Variants in CCDC60 observed in about 807,000 individuals in gnomAD.
The protein encoded by CCDC60 is coiled-coil domain-containing protein 60.
Under a neutral mutation model 63.5 loss-of-function variants are expected in CCDC60, and 54 were observed. The observed-to-expected ratio is 0.85, with a 90% confidence interval of 0.68 to 1.07. CCDC60 has a LOEUF of 1.07. CCDC60 is among the 50% of genes least tolerant of loss of function. The pLI is 0.00. For synonymous variants in CCDC60, 206 were observed against 238.8 expected, an observed-to-expected ratio of 0.86 and a Z score of 1.27; for missense variants, 651 against 684.3, an observed-to-expected ratio of 0.95 and a Z score of 0.54.
At chr12:119,341,760 A>G (rs1165560041) in intron 1 of CCDC60, among the ~76,000 whole-genome samples, 2 of 152,230 alleles carry the variant, frequency 1.3e-5, no homozygotes, top group African/African-American at 4.8e-5. Flanking sequence ...TCCATCATTA[A>G]TGAGGCCAGG....
chr12:119,429,505 G>A (rs546142766), intron 2 of CCDC60: 35 of 152,352 alleles, frequency 2.3e-4, no homozygotes, highest in African/African-American at 8.4e-4. Flanking sequence ...CACGTAAGAT[G>A]TGTGCTGAGA....
intron 1 of CCDC60, among the ~76,000 whole-genome samples, chr12:119,404,814 C>A (rs1349458065): frequency 6.6e-6 from 1 of 152,042 alleles, no homozygotes; most frequent in Non-Finnish European, 1.5e-5. Flanking sequence ...AGACAAAGAT[C>A]CTCACCACTC....
chr12:119,453,390 T>A, intron 2 of CCDC60, among the ~76,000 whole-genome samples: 1 of 152,308 alleles, frequency 6.6e-6, no homozygotes, highest in Admixed American at 6.5e-5. Context: ...AAGAAAACCA[T>A]TTAAAATAAT....
intron 1 of CCDC60, among the ~76,000 whole-genome samples, chr12:119,355,531 C>T (rs367701256): frequency 6.9e-4 from 105 of 152,326 alleles, no homozygotes; most frequent in African/African-American, 2.0e-3. Flanking sequence ...TATGTACTGA[C>T]GCAGGGCAGA....
At chr12:119,388,965 A>G (rs1042521029) in intron 1 of CCDC60, among the ~76,000 whole-genome samples, 12 of 152,164 alleles carry the variant, frequency 7.9e-5, no homozygotes, top group Admixed American at 3.3e-4. Flanking sequence ...GATCATGACC[A>G]CTACCTTTCT....
intron 2 of CCDC60, among the ~76,000 whole-genome samples, chr12:119,450,419 T>A (rs11064800): frequency 0.1 from 15,807 of 152,154 alleles, 1,064 homozygotes; most frequent in East Asian, 0.3. Context: ...TAAAATTTTT[T>A]AAAAATTTTT....
intron 7 of CCDC60, among the ~76,000 whole-genome samples, chr12:119,507,501 TAC>T: frequency 7.4e-6 from 1 of 134,346 alleles, no homozygotes; most frequent in African/African-American, 2.9e-5. Flanking sequence ...TATACATATA[TAC>T]ACACATATAT....
rs938164206 is a variant in CCDC60, at chr12:119,335,022, T to G, written c.-155T>G. The G allele has an allele frequency of 3.4e-6, 2 of 580,640 alleles. No homozygotes were observed. The highest frequency in any genetic ancestry group is 3.4e-5 in the Admixed American group (1 of 29,800). The allele number at this position is 580,640 out of a possible 1,614,324, so 36.0% of individuals were successfully genotyped here. ...GGAGACCCAGGTGCTTTCTCATTAC[T>G]CTTCAGAAGGAAACCGCTTTGGAGT... is the stretch of plus-strand genomic sequence containing the variant. On this transcript the variant is annotated 5_prime_UTR_variant, in exon 1 of 14. Coordinates refer to ENST00000327554, the MANE Select transcript of CCDC60 (RefSeq NM_178499.5).
chr12:119,448,573 G>C (rs1950580014), intron 2 of CCDC60, among the ~76,000 whole-genome samples: 1 of 152,142 alleles, frequency 6.6e-6, no homozygotes, highest in African/African-American at 2.4e-5. Flanking sequence ...GCTTTCCCCA[G>C]GGCTTTTGCC....
chr12:119,440,946 A>AC (rs1950432079), intron 2 of CCDC60, among the ~76,000 whole-genome samples: 1 of 140,306 alleles, frequency 7.1e-6, no homozygotes, highest in Admixed American at 7.3e-5. Flanking sequence ...ACAATGTCTG[A>AC]CACACGGTAA....
chr12:119,453,747 T>G (rs1291324450), intron 2 of CCDC60, among the ~76,000 whole-genome samples: 1 of 151,514 alleles, frequency 6.6e-6, no homozygotes, highest in Non-Finnish European at 1.5e-5. Flanking sequence ...GCATTCATGG[T>G]GATGACTACA....
At position 119,376,833 on chromosome 12, in the gene CCDC60, T is replaced by C. The variant is rs1218474789; in HGVS notation, c.90+41567T>C. ...AGTTGGGGCTGGGGTCATTTACCCA[T>C]TTTGGAATATTGGGGGATGTTCTGT... On this transcript the variant is annotated intron_variant, in intron 1 of 13. Coordinates refer to ENST00000327554, the MANE Select transcript of CCDC60 (RefSeq NM_178499.5). 3.4e-4 allele frequency among the ~76,000 whole-genome samples: 52 copies of C among 152,080 alleles called. 1 individual carries two copies. The highest frequency in any genetic ancestry group is 3.4e-3 in the Admixed American group (52 of 15,266).
intron 2 of CCDC60, among the ~76,000 whole-genome samples, chr12:119,451,500 G>T (rs1950635620): frequency 6.6e-6 from 1 of 152,088 alleles, no homozygotes; most frequent in Non-Finnish European, 1.5e-5. Flanking sequence ...CAAAATGGGG[G>T]CTTGGGGCTT....
At chr12:119,490,671 C>A (rs1466720366) in intron 5 of CCDC60, among the ~76,000 whole-genome samples, 1 of 151,926 alleles carries the variant, frequency 6.6e-6, no homozygotes, top group African/African-American at 2.4e-5. Flanking sequence ...CTCAAACAAT[C>A]CTCCTGCCTC....
intron 2 of CCDC60, among the ~76,000 whole-genome samples, chr12:119,450,247 G>A (rs1950606237): frequency 7.2e-6 from 1 of 138,442 alleles, no homozygotes. Flanking sequence ...AATGGGCATT[G>A]GAGACCAGGA....
At chr12:119,347,564 A>G (rs1224257560) in intron 1 of CCDC60, among the ~76,000 whole-genome samples, 2 of 152,190 alleles carry the variant, frequency 1.3e-5, no homozygotes, top group Non-Finnish European at 1.5e-5. Flanking sequence ...CAAAATGTTC[A>G]ATATTCTCGT....
At chr12:119,347,842 AG>A (rs1177019105) in intron 1 of CCDC60, among the ~76,000 whole-genome samples, 1 of 152,198 alleles carries the variant, frequency 6.6e-6, no homozygotes, top group Non-Finnish European at 1.5e-5. Flanking sequence ...GGACAGCCCC[AG>A]GCACGTAGTC....
chr12:119,364,295 C>A (rs1955819459), intron 1 of CCDC60, among the ~76,000 whole-genome samples: 2 of 152,040 alleles, frequency 1.3e-5, no homozygotes, highest in Non-Finnish European at 2.9e-5. Flanking sequence ...TTGTATGCAC[C>A]CACGTAACCA....
At chr12:119,342,110 G>A (rs1007829960) in intron 1 of CCDC60, among the ~76,000 whole-genome samples, 2 of 152,230 alleles carry the variant, frequency 1.3e-5, no homozygotes, top group African/African-American at 4.8e-5. Context: ...ATAGCTGTTG[G>A]CATTGGCTCG....
Sources: allele counts gnomAD v4.1 joint callset (sites outside exome capture counted in the v4.1 genomes callset), GRCh38; gene constraint gnomAD v4.1.1; transcripts MANE v1.5; gene names NCBI Gene and HGNC (gene_info 2026-07-23, HGNC 2026-07-21).